The following CNTN6 variants were observed in gnomAD, a reference collection of about 807,000 sequenced individuals.
CNTN6 encodes the protein contactin 6.
CNTN6 carries 137 observed loss-of-function variants against 122.8 expected under a neutral mutation model. That is an observed-to-expected ratio of 1.12 (90% CI 0.97 to 1.29). The LOEUF (loss-of-function observed/expected upper bound fraction) is 1.29, where lower values mean the gene tolerates loss of function less well. Ranked by LOEUF, CNTN6 falls within the 50% of genes most tolerant of loss-of-function variation. CNTN6 has a pLI of 0.00. For synonymous variants in CNTN6, 570 were observed against 426.0 expected (o/e 1.34, Z -4.16); for missense variants, 1,634 against 1,223.4 (o/e 1.34, Z -5.01).
intron 12 of CNTN6, among the ~76,000 whole-genome samples, chr3:1,355,939 A>C (rs985734790): frequency 6.6e-6 from 1 of 151,826 alleles, no homozygotes; most frequent in Non-Finnish European, 1.5e-5. Flanking sequence ...TATTTCACTA[A>C]TACAGCAGGA....
intron 12 of CNTN6, among the ~76,000 whole-genome samples, chr3:1,364,343 A>G (rs1349781203): frequency 1.3e-5 from 2 of 151,918 alleles, no homozygotes; most frequent in Non-Finnish European, 2.9e-5. Context: ...CTATAATGTC[A>G]TAGATAAATA....
chr3:1,374,074 G>A lies in CNTN6; in HGVS notation c.2095+1G>A, dbSNP rs1709513368. ...GAATTGTTAAGAACTAAAGCATCAGGTAAAGAATCAATGTGTTCTAAAAGT... is the reference window on the plus strand; with the variant it reads ...GAATTGTTAAGAACTAAAGCATCAGATAAAGAATCAATGTGTTCTAAAAGT... On this transcript the variant is annotated splice_donor_variant, in intron 16 of 22. Coordinates refer to ENST00000446702, the MANE Select transcript of CNTN6 (RefSeq NM_001289080.2). LOFTEE classifies it high-confidence loss of function. 6.2e-7 allele frequency: 1 copy of A among 1,611,952 alleles called. No homozygotes were observed. The highest frequency in any genetic ancestry group is 8.5e-7 in the Non-Finnish European group (1 of 1,178,508).
chr3:1,134,122 C>G (rs1449185774), intron 1 of CNTN6, among the ~76,000 whole-genome samples: 1 of 152,062 alleles, frequency 6.6e-6, no homozygotes, highest in Non-Finnish European at 1.5e-5. Context: ...GGTACAAGGC[C>G]CCGATCGACC....
At chr3:1,256,265 T>G (rs1456207915) in intron 4 of CNTN6, among the ~76,000 whole-genome samples, 1 of 152,144 alleles carries the variant, frequency 6.6e-6, no homozygotes, top group Admixed American at 6.6e-5. Context: ...TCTGGGAGCC[T>G]ATTGAGTCAT....
chr3:1,241,206 C>T (rs1036885805), intron 4 of CNTN6, among the ~76,000 whole-genome samples: 7 of 152,066 alleles, frequency 4.6e-5, no homozygotes, highest in Non-Finnish European at 8.8e-5. Flanking sequence ...ACAGGGGATG[C>T]GATGGCCTGG....
intron 2 of CNTN6, among the ~76,000 whole-genome samples, chr3:1,168,278 T>A (rs756626690): frequency 3.0e-4 from 45 of 151,000 alleles, no homozygotes; most frequent in Non-Finnish European, 4.9e-4. Flanking sequence ...AAAATATGAA[T>A]GAAAGTAATT....
Position 1,102,620 on chromosome 3 carries a change from C to A in CNTN6, c.-83+9500C>A, listed in dbSNP as rs1288500059. Among the ~76,000 whole-genome samples, 22 of 149,106 alleles carry A rather than the reference C, an allele frequency of 1.5e-4. 1 individual carries two copies. The highest frequency in any genetic ancestry group is 8.7e-4 in the Admixed American group (13 of 14,956). Reference sequence around the variant, plus strand: ...GGCGGCGCCTGTAGTCCCAGCTACTCGGGAGGCTGAGGCAGGAGAATGGCG... The same window carrying A: ...GGCGGCGCCTGTAGTCCCAGCTACTAGGGAGGCTGAGGCAGGAGAATGGCG... On this transcript the variant is annotated intron_variant, in intron 1 of 22. Transcript: ENST00000446702.
At chr3:1,346,238 T>A (rs575101801) in intron 11 of CNTN6, among the ~76,000 whole-genome samples, 89 of 152,166 alleles carry the variant, frequency 5.8e-4, no homozygotes, top group Non-Finnish European at 1.1e-3. Context: ...TTTAGTTAAT[T>A]ATGAACAGGT....
chr3:1,284,104 A>T (rs187040171), intron 5 of CNTN6, among the ~76,000 whole-genome samples: 82 of 152,382 alleles, frequency 5.4e-4, no homozygotes, highest in Admixed American at 2.5e-3. Context: ...CTCTCCTCAG[A>T]TGCAACTTTC....
At chr3:1,142,966 G>GTATATATATA (rs1408347529) in intron 1 of CNTN6, among the ~76,000 whole-genome samples, 84 of 96,572 alleles carry the variant, frequency 8.7e-4, no homozygotes, top group African/African-American at 3.0e-3. Context: ...GTGTGTGTGT[G>GTATATATATA]TGTATATATA....
intron 2 of CNTN6, among the ~76,000 whole-genome samples, chr3:1,164,600 G>T (rs2093205377): frequency 6.6e-6 from 1 of 152,158 alleles, no homozygotes; most frequent in South Asian, 2.1e-4. Context: ...GGCTTTGGAG[G>T]GGCTATAGTT....
intron 11 of CNTN6, among the ~76,000 whole-genome samples, chr3:1,338,792 G>T (rs1434072323): frequency 3.9e-5 from 6 of 152,036 alleles, no homozygotes; most frequent in Non-Finnish European, 5.9e-5. Flanking sequence ...TTCTTGGTTT[G>T]ATTTTTGAGA....
intron 1 of CNTN6, among the ~76,000 whole-genome samples, chr3:1,145,697 A>G (rs1477500760): frequency 2.0e-5 from 3 of 152,172 alleles, no homozygotes; most frequent in African/African-American, 7.2e-5. Flanking sequence ...GAGGAATTCT[A>G]TGCAAATTAA....
intron 12 of CNTN6, among the ~76,000 whole-genome samples, chr3:1,364,691 A>T (rs1028246106): frequency 6.6e-6 from 1 of 151,976 alleles, no homozygotes; most frequent in African/African-American, 2.4e-5. Flanking sequence ...AATCACAATA[A>T]ATGGTCCTGA....
chr3:1,348,157 CAAAAAAAA>C lies in CNTN6; in HGVS notation c.1365-4155_1365-4148del, dbSNP rs532282828. Among the ~76,000 whole-genome samples, 2 of 64,290 alleles carry C rather than the reference CAAAAAAAA, an allele frequency of 3.1e-5. 1 individual carries two copies. 42.2% of individuals were successfully genotyped at this position (64,290 alleles called of 152,430 possible). A position where few individuals can be genotyped will look rare whatever the true frequency, so the allele number is the denominator to read the frequency against. On this transcript the variant is annotated intron_variant, in intron 11 of 22. Coordinates refer to ENST00000446702, the MANE Select transcript of CNTN6 (RefSeq NM_001289080.2). The stretch of plus-strand genomic sequence containing the variant: ...AATATTAGTATTTCTATGCTATAGA[CAAAAAAAA>C]AAAAAAAAAAAGGACTTGGGCCATT...
chr3:1,318,744 C>A (rs527403571), intron 7 of CNTN6, among the ~76,000 whole-genome samples: 9 of 151,720 alleles, frequency 5.9e-5, no homozygotes, highest in Non-Finnish European at 1.0e-4. Flanking sequence ...ACCCTAGAAG[C>A]CAGTCATTTA....
At chr3:1,132,228 A>G (rs1283844076) in intron 1 of CNTN6, among the ~76,000 whole-genome samples, 1 of 152,008 alleles carries the variant, frequency 6.6e-6, no homozygotes, top group Admixed American at 6.6e-5. Flanking sequence ...TACTTTTTCA[A>G]ACTCATGTCT....
At chr3:1,376,180 CACTT>C (rs1018088288) in intron 16 of CNTN6, among the ~76,000 whole-genome samples, 4 of 152,110 alleles carry the variant, frequency 2.6e-5, no homozygotes, top group East Asian at 3.8e-4. Context: ...TGCTTTTAAA[CACTT>C]ACGCATGTGT....
intron 2 of CNTN6, among the ~76,000 whole-genome samples, chr3:1,212,579 A>G (rs1489770059): frequency 6.6e-6 from 1 of 151,854 alleles, no homozygotes; most frequent in Non-Finnish European, 1.5e-5. Context: ...ATACAGTAGT[A>G]TGTGTCTTCA....
Sources: allele counts gnomAD v4.1 joint callset (sites outside exome capture counted in the v4.1 genomes callset), GRCh38; gene constraint gnomAD v4.1.1; transcripts MANE v1.5; gene names NCBI Gene and HGNC (gene_info 2026-07-23, HGNC 2026-07-21).